Variants in GRHL2 observed in about 807,000 individuals in gnomAD.
GRHL2 encodes the protein grainyhead-like protein 2 homolog.
GRHL2 carries 21 observed loss-of-function variants against 83.8 expected under a neutral mutation model. The observed-to-expected ratio is 0.25, with a 90% CI of 0.18 to 0.36. The LOEUF (loss-of-function observed/expected upper bound fraction) is 0.36, where lower values mean the gene tolerates loss of function less well. GRHL2 is among the 10% of genes least tolerant of loss of function. GRHL2 has a pLI of 1.00. For synonymous variants in GRHL2, 280 were observed against 278.9 expected (o/e 1.00, Z -0.04); for missense variants, 623 against 781.8 (o/e 0.80, Z 2.42).
chr8:101,528,380 C>T (rs1429605417), intron 1 of GRHL2, among the ~76,000 whole-genome samples: 2 of 150,364 alleles, frequency 1.3e-5, no homozygotes, highest in Non-Finnish European at 3.0e-5. Flanking sequence ...GTAGCCTGTG[C>T]TTGTGTTGTA....
intron 14 of GRHL2, among the ~76,000 whole-genome samples, chr8:101,651,976 C>G (rs1335035696): frequency 1.3e-5 from 2 of 152,304 alleles, no homozygotes; most frequent in South Asian, 4.1e-4. Flanking sequence ...GACAAAGCAG[C>G]CCCGGCAACT....
At chr8:101,543,972 CT>C (rs1811209712) in intron 2 of GRHL2, 1 of 177,924 alleles carries the variant, frequency 5.6e-6, no homozygotes, top group South Asian at 1.4e-4. Context: ...GTGGAAACCC[CT>C]GATAAAACCA....
chr8:101,640,551 A>G (rs1813381006), intron 12 of GRHL2, among the ~76,000 whole-genome samples: 1 of 152,252 alleles, frequency 6.6e-6, no homozygotes, highest in South Asian at 2.1e-4. Context: ...TGCAAATAGC[A>G]TGCATGATGA....
chr8:101,674,498 A>C (rs896527097), downstream of GRHL2, among the ~76,000 whole-genome samples: 1 of 152,144 alleles, frequency 6.6e-6, no homozygotes, highest in Non-Finnish European at 1.5e-5. Flanking sequence ...CCCTCCCAAG[A>C]CTAAACCAGG....
At chr8:101,671,470 C>A (rs1382148954), downstream of GRHL2, among the ~76,000 whole-genome samples, 1 of 144,988 alleles carries the variant, frequency 6.9e-6, no homozygotes, top group African/African-American at 2.9e-5. Flanking sequence ...GGGAGGGGCA[C>A]CTGCAAGCTG....
At chr8:101,513,578 T>A (rs1403954622) in intron 1 of GRHL2, among the ~76,000 whole-genome samples, 1 of 137,498 alleles carries the variant, frequency 7.3e-6, no homozygotes, top group Non-Finnish European at 1.5e-5. Context: ...CACTGCAACC[T>A]CCACCTCCTG....
At chr8:101,565,418 C>T (rs1811696598) in intron 4 of GRHL2, among the ~76,000 whole-genome samples, 2 of 152,146 alleles carry the variant, frequency 1.3e-5, no homozygotes, top group Non-Finnish European at 2.9e-5. Flanking sequence ...AACAAAGCAA[C>T]ATCAAGATCT....
chr8:101,675,626 C>T, the GRHL2 span, among the ~76,000 whole-genome samples: 1 of 152,066 alleles, frequency 6.6e-6, no homozygotes, highest in East Asian at 1.9e-4. Context: ...TGAAAATGGC[C>T]ATACTGCCCA....
intron 8 of GRHL2, among the ~76,000 whole-genome samples, chr8:101,614,852 T>C (rs1228153004): frequency 6.6e-6 from 1 of 152,188 alleles, no homozygotes. Context: ...GGGTTTTGAG[T>C]GCAGCACAGC....
chr8:101,669,348 T>C lies in GRHL2; in HGVS notation c.*2645T>C, dbSNP rs567025915. 7.9e-5 allele frequency: 12 copies of C among 152,054 alleles called. No individual in the cohort carries two copies. The highest frequency in any genetic ancestry group is 2.2e-4 in the African/African-American group (9 of 41,398). 9.4% of individuals were successfully genotyped at this position (152,054 alleles called of 1,614,324 possible). On this transcript the variant is annotated 3_prime_UTR_variant, in exon 16 of 16. Transcript: ENST00000646743. ...TAAACTTACTTTATGAGTGTTTGTTTAGAAGTTCGGACCAACAGAAAAATG... is the reference window on the plus strand; with the variant it reads ...TAAACTTACTTTATGAGTGTTTGTTCAGAAGTTCGGACCAACAGAAAAATG...
chr8:101,543,439 A>C lies in GRHL2; in HGVS notation c.216+3A>C. The C allele has an allele frequency of 6.2e-7, 1 of 1,613,668 alleles. No homozygotes were observed. Among genetic ancestry groups the C allele is most frequent in the Non-Finnish European group, 8.5e-7 (1 of 1,179,598 alleles). ...GCCTGCTCTATGACTACTACAAGGT[A>C]GGTCCCCAGCCTCCACTTTTCTCTT... On this transcript the variant is annotated splice_donor_region_variant and intron_variant, in intron 2 of 15. Transcript: ENST00000646743.
At chr8:101,520,869 C>G (rs1012822414) in intron 1 of GRHL2, among the ~76,000 whole-genome samples, 14 of 152,246 alleles carry the variant, frequency 9.2e-5, no homozygotes, top group African/African-American at 3.4e-4. Context: ...CATGCTGTTC[C>G]TGTAATGACA....
At chr8:101,652,390 T>TGTG (rs1813659497) in intron 14 of GRHL2, among the ~76,000 whole-genome samples, 2 of 66,960 alleles carry the variant, frequency 3.0e-5, no homozygotes, top group East Asian at 4.4e-4. Context: ...GTGTGGTGTG[T>TGTG]GTGTGTGTCT....
intron 2 of GRHL2, among the ~76,000 whole-genome samples, chr8:101,546,944 T>C (rs1171914698): frequency 1.3e-5 from 2 of 152,232 alleles, no homozygotes; most frequent in Non-Finnish European, 2.9e-5. Context: ...TAGAACTCCT[T>C]CTGTTGAATT....
chr8:101,666,734 C>T lies in GRHL2; in HGVS notation c.*31C>T. The stretch of plus-strand genomic sequence containing the variant: ...GGTTTGGCATCCGCTTTGGCTGGAG[C>T]TCTCAGTGCGTTCCTCCCTGAGAGA... On this transcript the variant is annotated 3_prime_UTR_variant, in exon 16 of 16. Coordinates refer to ENST00000646743, the MANE Select transcript of GRHL2 (RefSeq NM_024915.4). The T allele has an allele frequency of 7.6e-7, 1 of 1,313,284 alleles. No individual in the cohort carries two copies. The highest frequency in any genetic ancestry group is 1.1e-6 in the Non-Finnish European group (1 of 906,232). The allele number at this position is 1,313,284 out of a possible 1,614,324, so 81.4% of individuals were successfully genotyped here. A position where few individuals can be genotyped will look rare whatever the true frequency, so the allele number is the denominator to read the frequency against.
At chr8:101,574,498 G>A (rs559092368) in intron 6 of GRHL2, among the ~76,000 whole-genome samples, 1 of 152,352 alleles carries the variant, frequency 6.6e-6, no homozygotes, top group East Asian at 1.9e-4. Flanking sequence ...GAGGTGGAAG[G>A]ACTTTCCTGA....
At chr8:101,545,557 T>G (rs1040292708) in intron 2 of GRHL2, among the ~76,000 whole-genome samples, 6 of 151,994 alleles carry the variant, frequency 3.9e-5, no homozygotes, top group African/African-American at 1.4e-4. Context: ...TTTTCATTCT[T>G]TCTGATTGAG....
chr8:101,663,897 G>C (rs1813983090), intron 14 of GRHL2, among the ~76,000 whole-genome samples: 1 of 150,834 alleles, frequency 6.6e-6, no homozygotes, highest in Non-Finnish European at 1.5e-5. Flanking sequence ...TTTGTCTTTA[G>C]CATTTTAGTT....
At chr8:101,582,838 T>C (rs995285719) in intron 7 of GRHL2, among the ~76,000 whole-genome samples, 12 of 152,226 alleles carry the variant, frequency 7.9e-5, no homozygotes, top group African/African-American at 2.9e-4. Flanking sequence ...ATTGGGGAGA[T>C]ATTCAAGTGT....
Sources: allele counts gnomAD v4.1 joint callset (sites outside exome capture counted in the v4.1 genomes callset), GRCh38; gene constraint gnomAD v4.1.1; transcripts MANE v1.5; gene names NCBI Gene and HGNC (gene_info 2026-07-23, HGNC 2026-07-21).